LARGE1: variants seen among roughly 807,000 people sequenced by gnomAD.
LARGE1 encodes LARGE xylosyl- and glucuronyltransferase 1, also known as xylosyl- and glucuronyltransferase LARGE1.
A neutral mutation model predicts 87.6 loss-of-function variants in LARGE1; 43 were observed. The observed-to-expected ratio is 0.49, with a 90% CI of 0.38 to 0.63. LARGE1 has a LOEUF of 0.63. Ranked by LOEUF, LARGE1 falls within the 30% of genes least tolerant of loss-of-function variation. LARGE1 has a pLI of 0.00. For synonymous variants in LARGE1, 434 were observed against 394.6 expected, an observed-to-expected ratio of 1.10 and a Z score of -1.18; for missense variants, 802 against 1,000.2, an observed-to-expected ratio of 0.80 and a Z score of 2.67.
At chr22:33,816,430 C>T (rs113975428) in intron 1 of LARGE1, among the ~76,000 whole-genome samples, 2 of 152,050 alleles carry the variant, frequency 1.3e-5, no homozygotes, top group African/African-American at 4.8e-5. Flanking sequence ...CACAGATGGC[C>T]GTCTTCTTGC....
At position 33,273,110 on chromosome 22, in the gene LARGE1, A is replaced by G. The variant is rs1290616584; in HGVS notation, c.*1317T>C. ...AACAGTCTGTACTTTCATTTATTAA[A>G]TGCAGCTTTCGCTGGTCACATTGCA... On this transcript the variant is annotated 3_prime_UTR_variant, in exon 15 of 15. Coordinates refer to ENST00000397394, the MANE Select transcript of LARGE1 (RefSeq NM_133642.5). 3.5e-6 allele frequency: 1 copy of G among 289,296 alleles called. No individual in the cohort carries two copies. Among genetic ancestry groups the G allele is most frequent in the Non-Finnish European group, 6.3e-6 (1 of 157,566 alleles). The allele number at this position is 289,296 out of a possible 1,614,324, so 17.9% of individuals were successfully genotyped here.
chr22:33,553,271 T>C (rs1338001099), intron 6 of LARGE1, among the ~76,000 whole-genome samples: 2 of 152,150 alleles, frequency 1.3e-5, no homozygotes, highest in Admixed American at 6.5e-5. Flanking sequence ...TTTGGGAAGC[T>C]GAGGCGGGAG....
intron 1 of LARGE1, among the ~76,000 whole-genome samples, chr22:33,785,257 G>A (rs903308166): frequency 1.0e-4 from 15 of 149,420 alleles, no homozygotes; most frequent in African/African-American, 3.7e-4. Context: ...ATATATGCAT[G>A]TGTATATGTG....
intron 11 of LARGE1, among the ~76,000 whole-genome samples, chr22:33,255,296 A>G (rs1927207530): frequency 6.6e-6 from 1 of 152,184 alleles, no homozygotes; most frequent in Non-Finnish European, 1.5e-5. Flanking sequence ...ACATTCAGTA[A>G]TATAGAATCC....
chr22:33,448,698 C>A (rs1170250604), intron 6 of LARGE1, among the ~76,000 whole-genome samples: 1 of 152,214 alleles, frequency 6.6e-6, no homozygotes, highest in Non-Finnish European at 1.5e-5. Context: ...TCCATTCTCT[C>A]CCTTAAGCCA....
chr22:33,302,785 G>A lies in LARGE1; in HGVS notation c.1730+1444C>T, dbSNP rs1934343854. On this transcript the variant is annotated intron_variant, in intron 12 of 14. Coordinates refer to ENST00000397394, the MANE Select transcript of LARGE1 (RefSeq NM_133642.5). ...GTGTAGCAGGGTGACGGGCAGACCT[G>A]GGGCTGCAGACGCTGGTTCACACCC... Among the ~76,000 whole-genome samples the A allele has an allele frequency of 2.0e-5, 3 of 152,146 alleles. No homozygotes were observed. The South Asian group carries it at 6.2e-4, about 32-fold the overall frequency.
chr22:33,441,919 A>C (rs762267947), intron 6 of LARGE1, among the ~76,000 whole-genome samples: 2 of 152,064 alleles, frequency 1.3e-5, no homozygotes, highest in Non-Finnish European at 2.9e-5. Context: ...ACTCATTTTG[A>C]TTGCTTGGGT....
At chr22:33,918,051 A>G (rs910006983) in intron 1 of LARGE1, among the ~76,000 whole-genome samples, 2 of 152,218 alleles carry the variant, frequency 1.3e-5, no homozygotes, top group African/African-American at 4.8e-5. Context: ...TGCACTGTGC[A>G]TCAACTTTAA....
At chr22:33,441,817 A>T (rs1268012457) in intron 6 of LARGE1, among the ~76,000 whole-genome samples, 1 of 152,208 alleles carries the variant, frequency 6.6e-6, no homozygotes, top group East Asian at 1.9e-4. Flanking sequence ...TCTATTTCAT[A>T]GGGCTTCACT....
intron 1 of LARGE1, chr22:33,873,143 G>C (rs575580151): frequency 1.3e-5 from 2 of 152,308 alleles, no homozygotes; most frequent in African/African-American, 4.8e-5. Flanking sequence ...AGGGAGGCCC[G>C]GGAGGAGGGT....
intron 11 of LARGE1, among the ~76,000 whole-genome samples, chr22:33,217,362 G>T (rs1925257602): frequency 6.6e-6 from 1 of 152,094 alleles, no homozygotes; most frequent in South Asian, 2.1e-4. Flanking sequence ...AACTCTGGGG[G>T]TTGAGCTCAG....
chr22:33,853,679 A>T (rs1391314623), intron 1 of LARGE1, among the ~76,000 whole-genome samples: 3 of 152,246 alleles, frequency 2.0e-5, no homozygotes, highest in Non-Finnish European at 4.4e-5. Context: ...GATAGCAAGG[A>T]TACAAAAAAG....
intron 3 of LARGE1, among the ~76,000 whole-genome samples, chr22:33,642,155 G>C (rs2149141748): frequency 6.6e-6 from 1 of 152,250 alleles, no homozygotes; most frequent in Non-Finnish European, 1.5e-5. Flanking sequence ...ACCTATGGAG[G>C]GAAGCCCATC....
chr22:33,674,074 G>C (rs1217282231), intron 2 of LARGE1, among the ~76,000 whole-genome samples: 1 of 152,142 alleles, frequency 6.6e-6, no homozygotes. Flanking sequence ...CTCCCAAAGT[G>C]CTGGGATTAC....
At chr22:33,345,764 A>T (rs1295019719) in intron 9 of LARGE1, among the ~76,000 whole-genome samples, 1 of 152,224 alleles carries the variant, frequency 6.6e-6, no homozygotes, top group East Asian at 1.9e-4. Context: ...CATCAAGGGC[A>T]CAGAAGAAAG....
chr22:33,569,023 G>C (rs1471994472), intron 5 of LARGE1, among the ~76,000 whole-genome samples: 3 of 152,118 alleles, frequency 2.0e-5, no homozygotes, highest in African/African-American at 7.2e-5. Flanking sequence ...CCTTCCTTTA[G>C]AGTGAGCCAT....
chr22:33,448,895 G>A (rs2067797410), intron 6 of LARGE1, among the ~76,000 whole-genome samples: 1 of 151,894 alleles, frequency 6.6e-6, no homozygotes, highest in African/African-American at 2.4e-5. Flanking sequence ...GCTCTTTTTG[G>A]GTCCATCCAC....
intron 5 of LARGE1, among the ~76,000 whole-genome samples, chr22:33,566,586 A>C (rs1174173602): frequency 2.0e-5 from 3 of 152,216 alleles, no homozygotes; most frequent in African/African-American, 7.2e-5. Context: ...CAGCAGCAAG[A>C]TTTACTGTGA....
At chr22:33,157,977 C>T (rs1319113260), downstream of LARGE1, among the ~76,000 whole-genome samples, 1 of 151,806 alleles carries the variant, frequency 6.6e-6, no homozygotes, top group Non-Finnish European at 1.5e-5. Context: ...ATGAAGAATA[C>T]CAAAAATAGT....
Sources: allele counts gnomAD v4.1 joint callset (sites outside exome capture counted in the v4.1 genomes callset), GRCh38; gene constraint gnomAD v4.1.1; transcripts MANE v1.5; gene names NCBI Gene and HGNC (gene_info 2026-07-23, HGNC 2026-07-21).